PATL2: variants seen among roughly 807,000 people sequenced by gnomAD.
The protein encoded by PATL2 is PAT1 homolog 2.
In PATL2, 73 loss-of-function variants were observed where a neutral mutation model predicts 77.0. That is an observed-to-expected ratio of 0.95 (90% CI 0.78 to 1.15). The LOEUF is 1.15. Among genes scored for constraint, PATL2 ranks in the 50% most tolerant of loss-of-function variants. The pLI, the probability that PATL2 is intolerant of heterozygous loss-of-function variation, is 0.00. For synonymous variants in PATL2, 265 were observed against 257.1 expected, an observed-to-expected ratio of 1.03 and a Z score of -0.29; for missense variants, 618 against 655.4, an observed-to-expected ratio of 0.94 and a Z score of 0.62.
intron 3 of PATL2, among the ~76,000 whole-genome samples, chr15:44,707,950 A>G (rs1345498843): frequency 6.6e-6 from 1 of 152,214 alleles, no homozygotes; most frequent in African/African-American, 2.4e-5. Context: ...GCTGGTCTAA[A>G]TGATCCCTCC....
At chr15:44,686,973 G>A (rs2086272694) in intron 3 of PATL2, among the ~76,000 whole-genome samples, 1 of 152,134 alleles carries the variant, frequency 6.6e-6, no homozygotes, top group Admixed American at 6.6e-5. Flanking sequence ...TCTACCAGAG[G>A]TACAATGAGG....
At chr15:44,676,433 G>A (rs2085958289) in intron 4 of PATL2, 42 bp downstream of exon 4, 1 of 1,494,452 alleles carries the variant, frequency 6.7e-7, no homozygotes. Context: ...ACCTCTGCAT[G>A]CTGGGGCATT....
chr15:44,688,734 G>A (rs544542173), intron 3 of PATL2, among the ~76,000 whole-genome samples: 13 of 152,266 alleles, frequency 8.5e-5, no homozygotes, highest in Admixed American at 3.9e-4. Flanking sequence ...AGACTTAAAT[G>A]TAAGATTGAA....
chr15:44,699,998 A>G (rs116517076), intron 3 of PATL2, among the ~76,000 whole-genome samples: 3,080 of 152,212 alleles, frequency 0.02, 110 homozygotes, highest in African/African-American at 0.071. Flanking sequence ...TTGTGGTTCC[A>G]TATAAATTTT....
intron 3 of PATL2, among the ~76,000 whole-genome samples, chr15:44,697,914 A>C (rs1350358052): frequency 6.6e-6 from 1 of 151,738 alleles, no homozygotes; most frequent in African/African-American, 2.4e-5. Flanking sequence ...TTATTATTTT[A>C]AAAAATTGAG....
Position 44,703,723 on chromosome 15 carries a change from CTT to C in PATL2, c.-76+6371_-76+6372del, listed in dbSNP as rs933165876. On this transcript the variant is annotated intron_variant, in intron 3 of 17. Coordinates refer to ENST00000682850, the MANE Select transcript of PATL2 (RefSeq NM_001387263.1). ...GTAGGCAACAAATCACCGGGTCTTG[CTT>C]TTTTTTTTTTTTTTTTTTTTTTTTT... Among the ~76,000 whole-genome samples, 245 of 32,978 alleles carry C rather than the reference CTT, an allele frequency of 7.4e-3. 2 individuals are homozygous for C. Among genetic ancestry groups the C allele is most frequent in the African/African-American group, 0.017 (166 of 9,786 alleles). The allele number at this position is 32,978 out of a possible 152,430, so 21.6% of individuals were successfully genotyped here. A position where few individuals can be genotyped will look rare whatever the true frequency, so the allele number is the denominator to read the frequency against.
intron 3 of PATL2, among the ~76,000 whole-genome samples, chr15:44,679,935 C>T (rs1595975296): frequency 6.6e-6 from 1 of 152,180 alleles, no homozygotes; most frequent in Non-Finnish European, 1.5e-5. Context: ...GAGCAGTCAC[C>T]AGAACCTGGA....
chr15:44,671,699 A>G (rs2085686413), intron 9 of PATL2, among the ~76,000 whole-genome samples: 1 of 152,220 alleles, frequency 6.6e-6, no homozygotes, highest in Admixed American at 6.5e-5. Flanking sequence ...ATATAACAAG[A>G]CATTTCTCAG....
intron 3 of PATL2, among the ~76,000 whole-genome samples, chr15:44,690,065 T>C (rs927393736): frequency 6.6e-6 from 1 of 152,050 alleles, no homozygotes; most frequent in African/African-American, 2.4e-5. Flanking sequence ...GGCACATGCC[T>C]GTAATCCCAG....
intron 3 of PATL2, among the ~76,000 whole-genome samples, chr15:44,678,169 G>T (rs1379329282): frequency 6.6e-6 from 1 of 152,122 alleles, no homozygotes; most frequent in African/African-American, 2.4e-5. Context: ...GGCCTTTTTG[G>T]TAATGTTATT....
chr15:44,679,674 G>A (rs891620247), intron 3 of PATL2, among the ~76,000 whole-genome samples: 11 of 151,032 alleles, frequency 7.3e-5, no homozygotes, highest in African/African-American at 2.7e-4. Flanking sequence ...TTACAGGCGT[G>A]AGCCACTGCG....
At chr15:44,667,896 T>C (rs971559733) in intron 15 of PATL2, among the ~76,000 whole-genome samples, 2 of 152,272 alleles carry the variant, frequency 1.3e-5, no homozygotes, top group Non-Finnish European at 2.9e-5. Context: ...TGAGCCAAGA[T>C]CGTGCCACTG....
rs568614137 is a variant in PATL2, at chr15:44,694,200, G to A, written c.-76+15896C>T. Among the ~76,000 whole-genome samples, 9 of 152,130 alleles carry A rather than the reference G, an allele frequency of 5.9e-5. No individual in the cohort carries two copies. The East Asian group carries it at 7.7e-4, about 13-fold the overall frequency. ...TCCTGCCTGTCATGGCCTGGCTTCC[G>A]GGGATAGATGGTGGAACCCACCTCC... On this transcript the variant is annotated intron_variant, in intron 3 of 17. Coordinates refer to ENST00000682850, the MANE Select transcript of PATL2 (RefSeq NM_001387263.1).
chr15:44,666,278 A>G lies in PATL2; in HGVS notation c.1613+114T>C, dbSNP rs2085363143. 1.4e-5 allele frequency: 20 copies of G among 1,396,734 alleles called. No individual in the cohort carries two copies. The South Asian group carries it at 2.6e-4, about 18-fold the overall frequency. The allele number at this position is 1,396,734 out of a possible 1,614,324, so 86.5% of individuals were successfully genotyped here. Reference sequence around the variant, plus strand: ...ATGTCAGTGTGTAGAACCACTTCTAAAAACACATGATCCTTCATGCTCATA... The same window carrying G: ...ATGTCAGTGTGTAGAACCACTTCTAGAAACACATGATCCTTCATGCTCATA... On this transcript the variant is annotated intron_variant, in intron 17 of 17. Coordinates refer to ENST00000682850, the MANE Select transcript of PATL2 (RefSeq NM_001387263.1).
intron 3 of PATL2, among the ~76,000 whole-genome samples, chr15:44,689,996 C>A (rs960559579): frequency 1.3e-5 from 2 of 152,238 alleles, no homozygotes; most frequent in Middle Eastern, 3.4e-3. Context: ...TCGAGACTAG[C>A]CTGACCAACA....
At chr15:44,675,757 G>GGCT in intron 4 of PATL2, 66 bp from the exon 5 acceptor site, 1 of 1,367,440 alleles carries the variant, frequency 7.3e-7, no homozygotes, top group East Asian at 2.5e-5. Flanking sequence ...TGTCTAGAGA[G>GGCT]GCTGCTACTC....
At chr15:44,667,570 T>C (rs2085444772) in intron 15 of PATL2, among the ~76,000 whole-genome samples, 1 of 152,220 alleles carries the variant, frequency 6.6e-6, no homozygotes, top group Non-Finnish European at 1.5e-5. Context: ...ATACATGAGA[T>C]AACCCACTGG....
At chr15:44,693,049 C>T (rs2086426582) in intron 3 of PATL2, among the ~76,000 whole-genome samples, 1 of 152,170 alleles carries the variant, frequency 6.6e-6, no homozygotes, top group South Asian at 2.1e-4. Context: ...TGAGTGTGCT[C>T]AGAATGCTCT....
intron 11 of PATL2, 94 bp downstream of exon 11, chr15:44,669,683 T>A: frequency 6.6e-7 from 1 of 1,508,510 alleles, no homozygotes; most frequent in Non-Finnish European, 9.0e-7. Context: ...TCACACTTCT[T>A]CCTCCTTCTT....
Sources: allele counts gnomAD v4.1 joint callset (sites outside exome capture counted in the v4.1 genomes callset), GRCh38; gene constraint gnomAD v4.1.1; transcripts MANE v1.5; gene names NCBI Gene and HGNC (gene_info 2026-07-23, HGNC 2026-07-21).